The following IL16 variants were observed in gnomAD, a reference collection of about 807,000 sequenced individuals.
IL16 encodes interleukin 16, also known as pro-interleukin-16.
IL16 carries 67 observed loss-of-function variants against 110.1 expected under a neutral mutation model. That is an observed-to-expected ratio of 0.61 (90% confidence interval 0.50 to 0.75). The LOEUF (loss-of-function observed/expected upper bound fraction) is 0.75, where lower values mean the gene tolerates loss of function less well. Among genes scored for constraint, IL16 ranks in the 30% least tolerant of loss-of-function variants. The probability of loss-of-function intolerance (pLI) is 0.00; values close to 1 mark genes in which losing one functional copy is unlikely to be tolerated. For synonymous variants in IL16, 689 were observed against 662.9 expected (o/e 1.04, Z -0.61); for missense variants, 1,545 against 1,655.0 (o/e 0.93, Z 1.15).
chr15:81,216,436 C>T (rs1273660048), intron 1 of IL16, among the ~76,000 whole-genome samples: 1 of 152,186 alleles, frequency 6.6e-6, no homozygotes, highest in Non-Finnish European at 1.5e-5. Flanking sequence ...CTTCTTCCCT[C>T]TTCAGCCTCA....
chr15:81,280,364 C>G (rs761179415), intron 8 of IL16, among the ~76,000 whole-genome samples: 3 of 152,214 alleles, frequency 2.0e-5, no homozygotes, highest in Admixed American at 6.5e-5. Flanking sequence ...ATGGCTGGAG[C>G]TAGGTGGGCA....
At chr15:81,186,408 T>C (rs1410998912) in intron 1 of IL16, among the ~76,000 whole-genome samples, 2 of 152,122 alleles carry the variant, frequency 1.3e-5, no homozygotes, top group East Asian at 3.9e-4. Flanking sequence ...TCCTAAAGCC[T>C]GTACTCTTAG....
rs757594274 is a variant in IL16 at position 81,269,528 on chromosome 15, C to CT, written c.565-8dup. ...GCTAATCTTCTGCCTACTCTGGTTCCTTGTTGCAGGGAACTTCGAGACCAA... is the reference window on the plus strand; with the variant it reads ...GCTAATCTTCTGCCTACTCTGGTTCCTTTGTTGCAGGGAACTTCGAGACCAA... On this transcript the variant is annotated splice_polypyrimidine_tract_variant and intron_variant, in intron 4 of 18. Coordinates refer to ENST00000683961, the MANE Select transcript of IL16 (RefSeq NM_172217.5). The CT allele has an allele frequency of 6.2e-7, 1 of 1,605,912 alleles. No individual in the cohort carries two copies. The highest frequency in any genetic ancestry group is 8.5e-7 in the Non-Finnish European group (1 of 1,172,748).
At chr15:81,280,352 G>A (rs1279089963) in intron 8 of IL16, among the ~76,000 whole-genome samples, 1 of 152,248 alleles carries the variant, frequency 6.6e-6, no homozygotes, top group East Asian at 1.9e-4. Flanking sequence ...ATGAAGGCCA[G>A]CATGGCTGGA....
chr15:81,199,303 C>T (rs752494875), intron 1 of IL16, among the ~76,000 whole-genome samples: 5 of 151,978 alleles, frequency 3.3e-5, no homozygotes, highest in Admixed American at 1.3e-4. Context: ...GAAATAAGGA[C>T]GAATCTATGT....
intron 1 of IL16, among the ~76,000 whole-genome samples, chr15:81,191,575 G>C (rs1297667079): frequency 6.6e-6 from 1 of 152,166 alleles, no homozygotes; most frequent in Non-Finnish European, 1.5e-5. Context: ...CGGATGGGTG[G>C]TATGTAAGTA....
intron 1 of IL16, among the ~76,000 whole-genome samples, chr15:81,189,110 T>G (rs1354293033): frequency 6.8e-6 from 1 of 147,402 alleles, no homozygotes; most frequent in African/African-American, 2.6e-5. Flanking sequence ...CATGCCACCA[T>G]GCCAAGATAA....
chr15:81,210,994 T>A (rs1008789693), intron 1 of IL16, among the ~76,000 whole-genome samples: 3 of 152,188 alleles, frequency 2.0e-5, no homozygotes, highest in African/African-American at 7.2e-5. Flanking sequence ...TAGATGGCTC[T>A]TATTATTTTG....
chr15:81,228,854 G>T (rs1319127371), intron 2 of IL16, among the ~76,000 whole-genome samples: 1 of 152,134 alleles, frequency 6.6e-6, no homozygotes, highest in African/African-American at 2.4e-5. Context: ...GTTACTAGCT[G>T]TGTAATCCTA....
chr15:81,306,297 C>T (rs780647862), intron 17 of IL16, 123 bp from the exon 18 acceptor site: 172 of 1,519,818 alleles, frequency 1.1e-4, no homozygotes, highest in Middle Eastern at 2.4e-4. Flanking sequence ...CTGCCTGAGA[C>T]GTGTTTACAT....
At chr15:81,231,108 G>C (rs1402856583) in intron 2 of IL16, among the ~76,000 whole-genome samples, 1 of 152,112 alleles carries the variant, frequency 6.6e-6, no homozygotes, top group African/African-American at 2.4e-5. Context: ...GGAGGCTGAG[G>C]TAGGTGGATC....
intron 1 of IL16, among the ~76,000 whole-genome samples, chr15:81,222,412 G>A (rs1424677691): frequency 6.7e-6 from 1 of 148,702 alleles, no homozygotes; most frequent in Non-Finnish European, 1.5e-5. Context: ...AAAGTCTTTT[G>A]GTTTGCATAA....
intron 10 of IL16, 151 bp downstream of exon 10, chr15:81,285,981 C>G: frequency 1.2e-6 from 1 of 826,376 alleles, no homozygotes; most frequent in Admixed American, 2.4e-5. Flanking sequence ...TAAGAATTGT[C>G]TGCAGCAGAG....
intron 2 of IL16, among the ~76,000 whole-genome samples, chr15:81,249,546 A>G (rs1053304330): frequency 1.3e-5 from 2 of 152,182 alleles, no homozygotes; most frequent in African/African-American, 4.8e-5. Context: ...CTGTTGAGAA[A>G]TGAGCTTTAA....
At chr15:81,255,102 A>G (rs1300555966) in intron 2 of IL16, among the ~76,000 whole-genome samples, 1 of 152,212 alleles carries the variant, frequency 6.6e-6, no homozygotes. Flanking sequence ...AGCTTGAACA[A>G]TAACTTGAAA....
chr15:81,213,633 A>G (rs535968105), intron 1 of IL16, among the ~76,000 whole-genome samples: 1 of 152,308 alleles, frequency 6.6e-6, no homozygotes, highest in South Asian at 2.1e-4. Flanking sequence ...ATCCTTTATT[A>G]TTATATAATG....
In IL16 at chr15:81,300,283, A is replaced by C; in HGVS notation, c.2957A>C (p.Lys986Thr). The change falls in exon 14 of 19, where the codon AAA (lysine) becomes ACA (threonine). Residue 986 changes from lysine to threonine, a missense_variant. Physicochemically the swap from Lys to Thr is moderately conservative, Grantham distance 78 (BLOSUM62 -1). This residue lies in a region of IL16 where 1,185 missense variants were observed against 1,238.8 expected (regional missense o/e 0.96). Transcript: ENST00000683961. ...AAGCTACTTGACGAAAAGACCAGCA[A>C]ACTCTATTCTATCAGCAGCCAAGTG... ...ETKLLDEKTS[K>T]LYSISSQVSS... 6.2e-7 allele frequency: 1 copy of C among 1,614,200 alleles called. No individual in the cohort carries two copies. Among genetic ancestry groups the C allele is most frequent in the Non-Finnish European group, 8.5e-7 (1 of 1,180,026 alleles).
chr15:81,277,071 A>G (rs893313161), intron 6 of IL16, among the ~76,000 whole-genome samples: 8 of 152,194 alleles, frequency 5.3e-5, no homozygotes, highest in Non-Finnish European at 1.2e-4. Flanking sequence ...AACTTTTGGA[A>G]ATGAGCAAAA....
chr15:81,270,449 C>T (rs756122555), intron 5 of IL16, among the ~76,000 whole-genome samples: 22 of 151,506 alleles, frequency 1.5e-4, no homozygotes, highest in Non-Finnish European at 3.1e-4. Flanking sequence ...AGGGGCCCCA[C>T]CATACACCTC....
Sources: gnomAD v4.1 joint callset for allele counts (sites outside exome capture counted in the v4.1 genomes callset) on GRCh38, gnomAD v4.1.1 for gene constraint, gnomAD v4.1.1 regional missense constraint, MANE v1.5 for transcripts, NCBI Gene and HGNC (gene_info 2026-07-23, HGNC 2026-07-21) for gene names.